SOX6: variants seen among roughly 807,000 people sequenced by gnomAD.
SOX6 encodes the protein transcription factor SOX-6.
Under a neutral mutation model 97.8 loss-of-function variants are expected in SOX6, and 11 were observed. The ratio of observed to expected loss-of-function variants is 0.11; its 90% CI spans 0.07 to 0.19. The LOEUF is 0.19. Among genes scored for constraint, SOX6 ranks in the 10% least tolerant of loss-of-function variants. The pLI is 1.00. For missense variants in SOX6, 810 were observed against 1,039.5 expected, an observed-to-expected ratio of 0.78 and a Z score of 3.04; for synonymous variants, 360 against 371.4, an observed-to-expected ratio of 0.97 and a Z score of 0.35.
intron 10 of SOX6, among the ~76,000 whole-genome samples, chr11:16,054,843 C>G (rs191194171): frequency 6.6e-6 from 1 of 152,252 alleles, no homozygotes; most frequent in African/African-American, 2.4e-5. Context: ...ATATAGAAAG[C>G]AACTGCAATC....
chr11:16,132,385 AGAAAGAAAGAAAGAAAAAAG>A (rs1564972154), intron 6 of SOX6, among the ~76,000 whole-genome samples: 27 of 96,500 alleles, frequency 2.8e-4, no homozygotes, highest in South Asian at 7.0e-4. Flanking sequence ...AAAGAAAGAA[AGAAAGAAAGAAAGAAAAAAG>A]AAAGAAAGAA....
chr11:16,435,104 G>A (rs766291480), intron 1 of SOX6, among the ~76,000 whole-genome samples: 49 of 151,984 alleles, frequency 3.2e-4, no homozygotes, highest in Non-Finnish European at 3.7e-4. Context: ...TAATTCTTCC[G>A]AGTCTGATTG....
intron 11 of SOX6, among the ~76,000 whole-genome samples, chr11:16,047,298 TG>T (rs1394922992): frequency 6.6e-6 from 1 of 152,124 alleles, no homozygotes; most frequent in Non-Finnish European, 1.5e-5. Context: ...GGCTGGTTAA[TG>T]AAGCATTCTT....
In SOX6 at chr11:16,107,560, C is replaced by T. The variant is rs907484312; in HGVS notation, c.898+4243G>A. On this transcript the variant is annotated intron_variant, in intron 7 of 15. Coordinates refer to ENST00000683767, the MANE Select transcript of SOX6 (RefSeq NM_001367873.1). ...TAGAAGGATAAATATTGTATTATTC[C>T]AATTATATGAAGTACCTACAATAAG... 6.0e-5 allele frequency among the ~76,000 whole-genome samples: 9 copies of T among 150,716 alleles called. 1 individual carries two copies. The highest frequency in any genetic ancestry group is 1.0e-4 in the Non-Finnish European group (7 of 67,690).
At chr11:16,732,853 A>G (rs1848361655) in intron 2 of SOX6, among the ~76,000 whole-genome samples, 1 of 152,242 alleles carries the variant, frequency 6.6e-6, no homozygotes, top group Non-Finnish European at 1.5e-5. Context: ...ACAAAGTGCT[A>G]ATATCCAGAA....
intron 6 of SOX6, among the ~76,000 whole-genome samples, chr11:16,138,581 G>C (rs1444392978): frequency 6.6e-6 from 1 of 150,616 alleles, no homozygotes; most frequent in Non-Finnish European, 1.5e-5. Flanking sequence ...TTAAGTTTTA[G>C]GGTACATGTG....
intron 1 of SOX6, among the ~76,000 whole-genome samples, chr11:16,368,002 T>C (rs1450249211): frequency 6.6e-6 from 1 of 152,176 alleles, no homozygotes; most frequent in African/African-American, 2.4e-5. Flanking sequence ...AATCTCATTA[T>C]TCAGGGACTT....
chr11:16,403,684 A>G (rs1393328336), intron 1 of SOX6, among the ~76,000 whole-genome samples: 1 of 151,796 alleles, frequency 6.6e-6, no homozygotes, highest in African/African-American at 2.4e-5. Flanking sequence ...AACAAGAATG[A>G]TAAAAGGTCA....
intron 4 of SOX6, among the ~76,000 whole-genome samples, chr11:16,211,939 A>G (rs1262361280): frequency 1.3e-5 from 2 of 152,198 alleles, no homozygotes; most frequent in East Asian, 3.9e-4. Context: ...GAGATGAGAA[A>G]GATTTTAGGT....
intron 4 of SOX6, among the ~76,000 whole-genome samples, chr11:16,583,992 C>A (rs562289141): frequency 5.9e-5 from 9 of 152,118 alleles, no homozygotes; most frequent in African/African-American, 1.9e-4. Flanking sequence ...TGATTTGTAT[C>A]TCCCTGATGA....
intron 3 of SOX6, among the ~76,000 whole-genome samples, chr11:16,697,468 T>C (rs1346174423): frequency 1.3e-5 from 2 of 152,128 alleles, no homozygotes; most frequent in African/African-American, 4.8e-5. Context: ...ACCCCATCTC[T>C]ACTAAAAATA....
chr11:16,484,462 G>T, intron 4 of SOX6: 1 of 806,382 alleles, frequency 1.2e-6, no homozygotes, highest in Non-Finnish European at 2.2e-6. Context: ...AGAGCTCCTC[G>T]CACTTCACCA....
At chr11:16,693,131 T>G (rs1848028575) in intron 3 of SOX6, among the ~76,000 whole-genome samples, 2 of 152,194 alleles carry the variant, frequency 1.3e-5, no homozygotes, top group South Asian at 4.1e-4. Flanking sequence ...GAGGTTGAAC[T>G]AGGTCAAATA....
intron 3 of SOX6, among the ~76,000 whole-genome samples, chr11:16,688,103 G>A (rs967291658): frequency 2.0e-5 from 3 of 151,844 alleles, no homozygotes; most frequent in Non-Finnish European, 4.4e-5. Flanking sequence ...CTCCCAAGTA[G>A]CTGGGAACAC....
At chr11:16,525,439 C>A (rs1217262430) in intron 4 of SOX6, among the ~76,000 whole-genome samples, 4 of 151,982 alleles carry the variant, frequency 2.6e-5, no homozygotes, top group African/African-American at 9.7e-5. Flanking sequence ...ATGTAGAAAG[C>A]TGAAATTGGA....
At chr11:16,203,964 T>C (rs201614056) in intron 4 of SOX6, among the ~76,000 whole-genome samples, 15 of 151,762 alleles carry the variant, frequency 9.9e-5, no homozygotes, top group East Asian at 7.7e-4. Context: ...TGAAAAAAAA[T>C]ATCAAAAAAT....
intron 4 of SOX6, among the ~76,000 whole-genome samples, chr11:16,552,299 C>T (rs1345243006): frequency 6.6e-6 from 1 of 152,070 alleles, no homozygotes; most frequent in South Asian, 2.1e-4. Flanking sequence ...GTATAGCCGA[C>T]ATTTTAAAAA....
intron 1 of SOX6, chr11:16,476,297 A>G (rs1404752864): frequency 6.6e-6 from 1 of 152,536 alleles, no homozygotes; most frequent in Non-Finnish European, 1.5e-5. Flanking sequence ...AGAAAAGTAA[A>G]GATAAACCAA....
At chr11:15,977,953 C>T (rs1234416563) in intron 15 of SOX6, among the ~76,000 whole-genome samples, 1 of 152,096 alleles carries the variant, frequency 6.6e-6, no homozygotes, top group Non-Finnish European at 1.5e-5. Context: ...GTTGACTGGC[C>T]TCCCTGTATC....
Sources: gnomAD v4.1 joint callset for allele counts (sites outside exome capture counted in the v4.1 genomes callset) on GRCh38, gnomAD v4.1.1 for gene constraint, MANE v1.5 for transcripts, NCBI Gene and HGNC (gene_info 2026-07-23, HGNC 2026-07-21) for gene names.